Variants in ABAT observed in about 807,000 individuals in gnomAD.
ABAT encodes 4-aminobutyrate aminotransferase.
A neutral mutation model predicts 64.6 loss-of-function variants in ABAT; 45 were observed. The ratio of observed to expected loss-of-function variants is 0.70; its 90% CI spans 0.55 to 0.89. The LOEUF (loss-of-function observed/expected upper bound fraction) is 0.89, where lower values mean the gene tolerates loss of function less well. Among genes scored for constraint, ABAT ranks in the 40% least tolerant of loss-of-function variants. ABAT has a pLI of 0.00. For missense variants in ABAT, 633 were observed against 658.4 expected (o/e 0.96, Z 0.42); for synonymous variants, 297 against 250.5 (o/e 1.19, Z -1.75).
chr16:8,678,695 A>T (rs1241111501), intron 1 of ABAT, among the ~76,000 whole-genome samples: 1 of 152,250 alleles, frequency 6.6e-6, no homozygotes, highest in Non-Finnish European at 1.5e-5. Flanking sequence ...TAACATAAAA[A>T]TGTCCATGGC....
At chr16:8,705,318 G>A (rs1205187367) in intron 1 of ABAT, 1 of 152,132 alleles carries the variant, frequency 6.6e-6, no homozygotes. Flanking sequence ...CAGATCTCGT[G>A]AGAACTCACT....
chr16:8,771,164 G>T (rs2060094564), intron 11 of ABAT, among the ~76,000 whole-genome samples: 2 of 152,014 alleles, frequency 1.3e-5, no homozygotes, highest in Admixed American at 1.3e-4. Context: ...GCATGGTGGT[G>T]CATGCCTGTA....
At chr16:8,779,368 T>TG (rs34408519) in intron 14 of ABAT, 111 bp from the exon 15 acceptor site, 53,687 of 895,328 alleles carry the variant, frequency 0.06, 1,981 homozygotes, top group Middle Eastern at 0.082. Context: ...TGCCAGTCCA[T>TG]GCAGAGGCCG....
At chr16:8,693,286 C>G (rs1036344586) in intron 1 of ABAT, among the ~76,000 whole-genome samples, 5 of 152,096 alleles carry the variant, frequency 3.3e-5, no homozygotes, top group Non-Finnish European at 7.4e-5. Flanking sequence ...CATGACATAC[C>G]TAGCTTTTTC....
chr16:8,768,120 G>C, intron 9 of ABAT, 73 bp from the exon 10 acceptor site: 1 of 1,489,868 alleles, frequency 6.7e-7, no homozygotes, highest in Non-Finnish European at 9.4e-7. Context: ...TGTCCCTCTG[G>C]ACTTGCAGGG....
Position 8,754,955 on chromosome 16 carries a change from G to C in ABAT, c.317-2802G>C, listed in dbSNP as rs1003552710. Among the ~76,000 whole-genome samples the C allele has an allele frequency of 3.9e-5, 6 of 152,118 alleles. No individual in the cohort carries two copies. The East Asian group carries it at 7.7e-4, about 20-fold the overall frequency. On this transcript the variant is annotated intron_variant, in intron 5 of 15. Transcript: ENST00000268251. Reference sequence around the variant, plus strand: ...GCTGGTATCAAACTCCTGAGCTGAAGTGACCCACCTGCCTCGGCCTCCCAA... The same window carrying C: ...GCTGGTATCAAACTCCTGAGCTGAACTGACCCACCTGCCTCGGCCTCCCAA...
chr16:8,755,966 G>A (rs1032726517), intron 5 of ABAT, among the ~76,000 whole-genome samples: 25 of 152,006 alleles, frequency 1.6e-4, no homozygotes, highest in African/African-American at 5.8e-4. Context: ...GGAGAATGGC[G>A]TGAACCCAGG....
rs768632370 is a variant in ABAT, at chr16:8,768,893, G to A, written c.736G>A (p.Ala246Thr). The A allele has an allele frequency of 5.0e-6, 8 of 1,614,008 alleles. No homozygotes were observed. The highest frequency in any genetic ancestry group is 2.2e-5 in the East Asian group (1 of 44,880). ...CATCCCTTCCTTTGACTGGCCCATC[G>A]CACCGTTCCCACGGCTGAAATACCC... ...IDIPSFDWPI[A>T]PFPRLKYPLE... Residue 246 changes from alanine to threonine, a missense_variant, in exon 11 of 16, where the codon GCA (alanine) becomes ACA (threonine). Physicochemically the swap from Ala to Thr is moderately conservative, Grantham distance 58. Coordinates refer to ENST00000268251, the MANE Select transcript of ABAT (RefSeq NM_020686.6).
chr16:8,739,052 AAG>A (rs1383295496), intron 2 of ABAT, among the ~76,000 whole-genome samples: 1 of 152,264 alleles, frequency 6.6e-6, no homozygotes, highest in East Asian at 1.9e-4. Context: ...CCAAGTCAGA[AAG>A]AGAGTCTGGC....
chr16:8,677,956 G>T (rs1484825739), intron 1 of ABAT, among the ~76,000 whole-genome samples: 1 of 152,068 alleles, frequency 6.6e-6, no homozygotes, highest in Non-Finnish European at 1.5e-5. Context: ...CAACCTGGGA[G>T]GCTGAGGTGG....
chr16:8,723,104 G>A (rs913653198), intron 1 of ABAT, among the ~76,000 whole-genome samples: 1 of 152,086 alleles, frequency 6.6e-6, no homozygotes, highest in African/African-American at 2.4e-5. Flanking sequence ...GTGGTGGCGT[G>A]CCCCTGTAAT....
chr16:8,730,950 CAA>C (rs2058700807), intron 1 of ABAT, among the ~76,000 whole-genome samples: 1 of 152,156 alleles, frequency 6.6e-6, no homozygotes, highest in Non-Finnish European at 1.5e-5. Flanking sequence ...GTTTATTTAT[CAA>C]GAGAAACTAT....
rs2142998430 is a variant in ABAT at position 8,776,513 on chromosome 16, G to GGCTC, written c.1269+23_1269+24insGCTC. 8.9e-7 allele frequency: 1 copy of GGCTC among 1,125,448 alleles called. No homozygotes were observed. The highest frequency in any genetic ancestry group is 1.2e-6 in the Non-Finnish European group (1 of 802,218). The allele number at this position is 1,125,448 out of a possible 1,614,324, so 69.7% of individuals were successfully genotyped here. On this transcript the variant is annotated intron_variant, in intron 14 of 15. Transcript: ENST00000268251. This position sits in a 1 kb window ranked among gnomAD's most constrained non-coding sequence, Gnocchi z 4.4. Reference sequence around the variant, plus strand: ...CAGGTAACACCCCCTCCCCTGCCCCGCCCCCACCACCCATGGCTCCCCGCA... The same window carrying GGCTC: ...CAGGTAACACCCCCTCCCCTGCCCCGGCTCCCCCCACCACCCATGGCTCCCCGCA...
At chr16:8,709,234 T>G (rs539878344) in intron 1 of ABAT, among the ~76,000 whole-genome samples, 2 of 91,922 alleles carry the variant, frequency 2.2e-5, no homozygotes, top group South Asian at 9.4e-4. Context: ...AATGTATTAT[T>G]TATCTTTTTT....
intron 2 of ABAT, among the ~76,000 whole-genome samples, chr16:8,737,965 G>GAAGA: frequency 2.3e-4 from 1 of 4,294 alleles, no homozygotes. Flanking sequence ...AGGAAGGAAG[G>GAAGA]AAGGAAGGAA....
intron 1 of ABAT, among the ~76,000 whole-genome samples, chr16:8,705,701 G>C (rs1183287247): frequency 1.3e-5 from 2 of 152,164 alleles, no homozygotes; most frequent in Non-Finnish European, 1.5e-5. Context: ...TTGGTTGGTG[G>C]TTGGTTTTTT....
chr16:8,747,477 A>C (rs1252848732), intron 3 of ABAT, among the ~76,000 whole-genome samples: 1 of 152,140 alleles, frequency 6.6e-6, no homozygotes, highest in Non-Finnish European at 1.5e-5. Context: ...ATAGATTTTA[A>C]TCTAGTAGTA....
At chr16:8,674,751 C>G (rs2057153231) in intron 1 of ABAT, 40 bp downstream of exon 1, 1 of 152,308 alleles carries the variant, frequency 6.6e-6, no homozygotes, top group South Asian at 2.1e-4. Context: ...CGGGCCCTTC[C>G]GAGGGGAGCC....
intron 1 of ABAT, among the ~76,000 whole-genome samples, chr16:8,681,370 T>A (rs535990142): frequency 6.6e-6 from 1 of 152,104 alleles, no homozygotes; most frequent in East Asian, 1.9e-4. Flanking sequence ...CTCCTGTAGG[T>A]CACACACTAT....
Sources: allele counts gnomAD v4.1 joint callset (sites outside exome capture counted in the v4.1 genomes callset), GRCh38; gene constraint gnomAD v4.1.1; non-coding constraint Gnocchi (gnomAD v3.1); transcripts MANE v1.5; gene names NCBI Gene and HGNC (gene_info 2026-07-23, HGNC 2026-07-21).